The following POLR1C variants were observed in gnomAD, a reference collection of about 807,000 sequenced individuals.
POLR1C encodes RNA polymerase I and III subunit C.
In POLR1C, 42 loss-of-function variants were observed where a neutral mutation model predicts 38.3. That is an observed-to-expected ratio of 1.10 (90% confidence interval 0.86 to 1.42). POLR1C has a LOEUF of 1.42. Ranked by LOEUF, POLR1C falls within the 40% of genes most tolerant of loss-of-function variation. POLR1C has a pLI of 0.00. For synonymous variants in POLR1C, 163 were observed against 163.9 expected (o/e 0.99, Z 0.04); for missense variants, 507 against 450.5 (o/e 1.13, Z -1.14).
chr6:43,560,098 C>A (rs567933734), intron 10 of POLR1C: 3 of 1,502,800 alleles, frequency 2.0e-6, no homozygotes, highest in East Asian at 2.4e-5. Flanking sequence ...GGATTATAGG[C>A]GTGAGCCACC....
rs140188270 is a variant in POLR1C, at chr6:43,520,282, C to G, written c.510C>G (p.Thr170=). The change falls in exon 6 of 9, where the codon ACC becomes ACG. Residue 170 remains threonine, a synonymous_variant. Coordinates refer to ENST00000642195, the MANE Select transcript of POLR1C (RefSeq NM_203290.4). ...NELYVNHKVY[T]RHMTWIPLGN... ...GACATGTTTTTCCTCCAGTGTATAC[C>G]AGGCATATGACATGGATCCCCCTGG... is the stretch of plus-strand genomic sequence containing the variant. The G allele has an allele frequency of 7.3e-5, 117 of 1,612,990 alleles. 1 individual carries two copies. In the African/African-American group the frequency reaches 1.1e-3, roughly 16 times the overall value.
downstream of POLR1C, chr6:43,523,346 T>G: frequency 7.3e-6 from 2 of 273,518 alleles, no homozygotes; most frequent in East Asian, 9.3e-5. Flanking sequence ...TCTTCAGCAC[T>G]TAGCACCTAA....
chr6:43,530,641 C>G (rs375689950), downstream of POLR1C: 9 of 1,601,244 alleles, frequency 5.6e-6, no homozygotes, highest in African/African-American at 1.1e-4. Context: ...GTTTCTCTCT[C>G]TAATTTTCTG....
chr6:43,521,480 C>T lies in POLR1C; in HGVS notation c.*180C>T. On this transcript the variant is annotated 3_prime_UTR_variant, in exon 9 of 9. Transcript: ENST00000642195. ...GAGACTTTTTACGCCTTTATAAGGC[C>T]TTAGATGTAAATAAACTCACCCAAA... is the stretch of plus-strand genomic sequence containing the variant. 1.4e-6 allele frequency: 2 copies of T among 1,407,684 alleles called. No homozygotes were observed. The highest frequency in any genetic ancestry group is 1.8e-6 in the Non-Finnish European group (2 of 1,081,316). 87.2% of individuals were successfully genotyped at this position (1,407,684 alleles called of 1,614,324 possible). A position where few individuals can be genotyped will look rare whatever the true frequency, so the allele number is the denominator to read the frequency against.
intron 9 of POLR1C, among the ~76,000 whole-genome samples, chr6:43,537,178 C>T (rs1428312696): frequency 1.4e-5 from 2 of 146,338 alleles, no homozygotes; most frequent in East Asian, 1.9e-4. Context: ...GTCTGTGTTG[C>T]CCAGGCTGGT....
chr6:43,529,792 G>A (rs760578295), downstream of POLR1C, among the ~76,000 whole-genome samples: 3 of 150,954 alleles, frequency 2.0e-5, no homozygotes, highest in Admixed American at 6.6e-5. Flanking sequence ...GTGGTGGTGC[G>A]CATCTGTGGT....
intron 10 of POLR1C, chr6:43,555,715 G>A: frequency 8.2e-7 from 1 of 1,222,530 alleles, no homozygotes; most frequent in Middle Eastern, 2.1e-4. Flanking sequence ...GATGAGCAAA[G>A]CTATTTTTGA....
At chr6:43,560,024 G>A (rs531336273) in intron 10 of POLR1C, among the ~76,000 whole-genome samples, 58 of 152,250 alleles carry the variant, frequency 3.8e-4, no homozygotes, top group African/African-American at 1.3e-3. Flanking sequence ...TTGCCATGTC[G>A]CACAGGCTGG....
At chr6:43,530,716 A>G (rs772235929), downstream of POLR1C, 31 of 1,613,876 alleles carry the variant, frequency 1.9e-5, no homozygotes, top group African/African-American at 3.7e-4. Flanking sequence ...GGTAGTCAGG[A>G]ATATTGTTCA....
At chr6:43,546,476 A>G in intron 9 of POLR1C, 2 of 1,224,390 alleles carry the variant, frequency 1.6e-6, no homozygotes, top group African/African-American at 3.1e-5. Context: ...CCTCATTAAT[A>G]CCACTAAGAT....
intron 10 of POLR1C, chr6:43,560,269 G>A: frequency 6.2e-7 from 1 of 1,611,788 alleles, no homozygotes; most frequent in Non-Finnish European, 8.5e-7. Flanking sequence ...CCTGAAGAGG[G>A]CTCCCCAAGT....
chr6:43,545,723 CAA>C (rs11324075), intron 9 of POLR1C, among the ~76,000 whole-genome samples: 1 of 147,536 alleles, frequency 6.8e-6, no homozygotes, highest in Non-Finnish European at 1.5e-5. Context: ...AACAAACAAA[CAA>C]AAAAAAAACC....
At chr6:43,555,781 T>C (rs759959038) in intron 10 of POLR1C, 1 of 1,606,032 alleles carries the variant, frequency 6.2e-7, no homozygotes, top group Non-Finnish European at 8.5e-7. Flanking sequence ...TTCCTATATA[T>C]AGTTTTGATA....
At chr6:43,560,406 G>A in intron 10 of POLR1C, 1 of 1,369,596 alleles carries the variant, frequency 7.3e-7, no homozygotes, top group Admixed American at 2.7e-5. Flanking sequence ...AAATAAATCT[G>A]TACAATACTT....
At chr6:43,561,848 G>C (rs1054935599) in exon 11 of POLR1C, 1 of 157,054 alleles carries the variant, frequency 6.4e-6, no homozygotes, top group African/African-American at 2.4e-5. Flanking sequence ...TCAGACTCAA[G>C]TTTTCTTTTG....
intron 9 of POLR1C, among the ~76,000 whole-genome samples, chr6:43,547,960 C>T (rs557429962): frequency 6.6e-6 from 1 of 152,292 alleles, no homozygotes; most frequent in African/African-American, 2.4e-5. Flanking sequence ...AATTTCTCTA[C>T]TGTGTGAGCA....
At chr6:43,519,900 T>G in intron 4 of POLR1C, 62 bp downstream of exon 4, 1 of 1,576,150 alleles carries the variant, frequency 6.3e-7, no homozygotes, top group South Asian at 1.1e-5. Context: ...TTGACTGTGA[T>G]GTTGGGTAAG....
chr6:43,560,563 C>T (rs570149366), intron 10 of POLR1C, among the ~76,000 whole-genome samples: 2 of 152,312 alleles, frequency 1.3e-5, no homozygotes, highest in South Asian at 4.1e-4. Context: ...ATACTGGAAT[C>T]TCAGAGTGAT....
At position 43,560,797 on chromosome 6, in the gene POLR1C, C is replaced by T. The variant is rs531275957; in HGVS notation, c.*49-603C>T. 71 of 791,390 alleles carry T rather than the reference C, an allele frequency of 9.0e-5. No individual in the cohort carries two copies. The South Asian group carries it at 1.1e-3, about 13-fold the overall frequency. 49.0% of individuals were successfully genotyped at this position (791,390 alleles called of 1,614,324 possible). A position where few individuals can be genotyped will look rare whatever the true frequency, so the allele number is the denominator to read the frequency against. On this transcript the variant is annotated intron_variant, in intron 10 of 10. Coordinates refer to the POLR1C transcript ENST00000607635. Reference sequence around the variant, plus strand: ...CAATAATTCTCTTAATGAAATGACACTACGGTCATTCCCCAAGGCCTGAAG... The same window carrying T: ...CAATAATTCTCTTAATGAAATGACATTACGGTCATTCCCCAAGGCCTGAAG...
Sources: allele counts gnomAD v4.1 joint callset (sites outside exome capture counted in the v4.1 genomes callset), GRCh38; gene constraint gnomAD v4.1.1; transcripts MANE v1.5; gene names NCBI Gene and HGNC (gene_info 2026-07-23, HGNC 2026-07-21).